The following TRAPPC2L variants were observed in gnomAD, a reference collection of about 807,000 sequenced individuals.
TRAPPC2L encodes trafficking protein particle complex subunit 2-like protein.
In TRAPPC2L, 17 loss-of-function variants were observed where a neutral mutation model predicts 13.2. That is an observed-to-expected ratio of 1.29 (90% confidence interval 0.88 to 1.93). TRAPPC2L has a LOEUF of 1.93. TRAPPC2L is among the 30% of genes most tolerant of loss of function. The pLI, the probability that TRAPPC2L is intolerant of heterozygous loss-of-function variation, is 0.00. For synonymous variants in TRAPPC2L, 150 were observed against 98.1 expected (o/e 1.53, Z -3.12); for missense variants, 359 against 252.1 (o/e 1.42, Z -2.87).
exon 4 of TRAPPC2L, chr16:88,860,084 C>A: frequency 9.8e-7 from 1 of 1,024,954 alleles, no homozygotes; most frequent in Non-Finnish European, 1.5e-6. Flanking sequence ...TCTTTTTAAG[C>A]TATGAGCACC....
chr16:88,862,306 C>G (rs1012459697), exon 4 of TRAPPC2L: 4 of 152,436 alleles, frequency 2.6e-5, no homozygotes, highest in African/African-American at 9.6e-5. Context: ...AGCGGGCAGA[C>G]GAGAGCCATG....
chr16:88,860,811 G>C (rs369444197), exon 4 of TRAPPC2L: 17 of 1,295,390 alleles, frequency 1.3e-5, no homozygotes, highest in African/African-American at 7.3e-5. Flanking sequence ...CCCTGGAGAA[G>C]GTCCCGAGCA....
At chr16:88,858,733 C>T in exon 2 of TRAPPC2L, 1 of 1,613,514 alleles carries the variant, frequency 6.2e-7, no homozygotes, top group East Asian at 2.2e-5. Flanking sequence ...GGGGAAGGCC[C>T]TGGTCGACCA....
exon 3 of TRAPPC2L, chr16:88,859,699 CATG>C (rs758421511): frequency 4.3e-6 from 7 of 1,614,034 alleles, no homozygotes; most frequent in East Asian, 4.5e-5. Flanking sequence ...TGAAGTTTGT[CATG>C]GTGGTAGATT....
chr16:88,856,954 C>T (rs953235380), upstream of TRAPPC2L: 9 of 1,436,364 alleles, frequency 6.3e-6, no homozygotes, highest in Non-Finnish European at 8.1e-6. Context: ...GGCTGGGCTG[C>T]GGGGCGGGGC....
chr16:88,861,073 A>G (rs547871710), exon 4 of TRAPPC2L: 5 of 1,026,346 alleles, frequency 4.9e-6, no homozygotes, highest in Non-Finnish European at 5.9e-6. Flanking sequence ...CAGGGCAGGC[A>G]GCTGTGCATG....
rs113488860 is a variant in TRAPPC2L, at chr16:88,858,792, G to A, written c.206+1G>A. On this transcript the variant is annotated splice_donor_variant, in intron 2 of 3. Transcript: ENST00000565504. LOFTEE classifies it high-confidence loss of function. ...TCTACCCCACGGAGGACTACAAGGT[G>A]TATCTTTCAGGGCAGGGTGTGTGTC... The A allele has an allele frequency of 1.2e-6, 2 of 1,612,188 alleles. No homozygotes were observed. Among genetic ancestry groups the A allele is most frequent in the Non-Finnish European group, 8.5e-7 (1 of 1,179,334 alleles).
chr16:88,857,177 C>G (rs956942470), exon 1 of TRAPPC2L: 5 of 1,578,842 alleles, frequency 3.2e-6, no homozygotes, highest in Admixed American at 1.7e-5. Flanking sequence ...CGGTGATTGC[C>G]AAGGAGGTGC....
chr16:88,857,098 G>GCGTGACCAGCGGCGGGTCA, upstream of TRAPPC2L: 1 of 1,549,768 alleles, frequency 6.5e-7, no homozygotes. Flanking sequence ...TTTGGAGGCC[G>GCGTGACCAGCGGCGGGTCA]CGTGACCAGC....
chr16:88,856,928 G>C (rs1017343183), upstream of TRAPPC2L: 2 of 1,478,958 alleles, frequency 1.4e-6, no homozygotes, highest in Non-Finnish European at 1.8e-6. Flanking sequence ...CCTAGCGAGC[G>C]TCCGCCGGCC....
chr16:88,857,286 C>A, intron 1 of TRAPPC2L, 103 bp downstream of exon 1: 1 of 1,120,118 alleles, frequency 8.9e-7, no homozygotes, highest in Non-Finnish European at 1.2e-6. Context: ...GGAAATGGGA[C>A]CTGGAGGAGG....
chr16:88,857,012 A>G (rs1281233240), upstream of TRAPPC2L: 5 of 1,387,404 alleles, frequency 3.6e-6, no homozygotes, highest in Admixed American at 3.7e-5. Context: ...CCGCGGAGGG[A>G]CGGGAGGCGG....
chr16:88,856,572 C>T (rs567181907), upstream of TRAPPC2L: 2 of 589,988 alleles, frequency 3.4e-6, no homozygotes, highest in African/African-American at 2.7e-5. Context: ...CCCCTCCCCG[C>T]ACGGGGATAC....
At chr16:88,861,420 CCCT>C in exon 4 of TRAPPC2L, 2 of 348,008 alleles carry the variant, frequency 5.7e-6, no homozygotes, top group South Asian at 4.3e-5. Context: ...CAGGGGAGGG[CCCT>C]CCTCTTTCTG....
chr16:88,860,779 C>A, exon 4 of TRAPPC2L: 2 of 953,256 alleles, frequency 2.1e-6, no homozygotes, highest in Non-Finnish European at 3.2e-6. Context: ...CCTGGCCTCT[C>A]AGCGGAGTTC....
At chr16:88,857,260 C>T in intron 1 of TRAPPC2L, 77 bp downstream of exon 1, 1 of 1,327,506 alleles carries the variant, frequency 7.5e-7, no homozygotes, top group African/African-American at 1.5e-5. Context: ...CTTCCCTGGG[C>T]TTAGAAGGCA....
intron 2 of TRAPPC2L, chr16:88,859,177 G>A (rs539301788): frequency 2.2e-5 from 10 of 458,616 alleles, no homozygotes; most frequent in South Asian, 9.0e-5. Context: ...CTAGACACTC[G>A]TCTAGTCCCT....
intron 1 of TRAPPC2L, among the ~76,000 whole-genome samples, chr16:88,857,723 C>T (rs1169008470): frequency 6.6e-6 from 1 of 152,238 alleles, no homozygotes; most frequent in Non-Finnish European, 1.5e-5. Flanking sequence ...TCTGCAGCTC[C>T]CTGGACATGC....
upstream of TRAPPC2L, chr16:88,857,038 G>A (rs980098598): frequency 1.3e-5 from 19 of 1,426,498 alleles, no homozygotes; most frequent in Non-Finnish European, 1.6e-5. Context: ...GGACTGCCTC[G>A]TGACCAGTGG....
Sources: gnomAD v4.1 joint callset for allele counts (sites outside exome capture counted in the v4.1 genomes callset) on GRCh38, gnomAD v4.1.1 for gene constraint, MANE v1.5 for transcripts, NCBI Gene and HGNC (gene_info 2026-07-23, HGNC 2026-07-21) for gene names.